MGAT4C: variants seen among roughly 807,000 people sequenced by gnomAD.
The protein encoded by MGAT4C is MGAT4 family member C.
In MGAT4C, 19 loss-of-function variants were observed where a neutral mutation model predicts 40.1. The ratio of observed to expected loss-of-function variants is 0.47; its 90% CI spans 0.33 to 0.70. The LOEUF is 0.70. Ranked by LOEUF, MGAT4C falls within the 30% of genes least tolerant of loss-of-function variation. MGAT4C has a pLI of 0.02. For missense variants in MGAT4C, 491 were observed against 563.2 expected (o/e 0.87, Z 1.30); for synonymous variants, 181 against 187.1 (o/e 0.97, Z 0.27).
At chr12:86,683,529 A>C (rs1378335072) in intron 2 of MGAT4C, among the ~76,000 whole-genome samples, 5 of 152,072 alleles carry the variant, frequency 3.3e-5, no homozygotes, top group Non-Finnish European at 5.9e-5. Flanking sequence ...ATCCAAACTA[A>C]ATTATGTTTG....
chr12:86,081,743 A>G (rs998208501), intron 1 of MGAT4C, among the ~76,000 whole-genome samples: 16 of 152,124 alleles, frequency 1.1e-4, no homozygotes, highest in Non-Finnish European at 2.9e-5. Context: ...ACATGCTGAT[A>G]TATAAAAGAA....
chr12:85,999,162 A>G (rs1246003658), intron 2 of MGAT4C, among the ~76,000 whole-genome samples: 3 of 152,128 alleles, frequency 2.0e-5, no homozygotes, highest in East Asian at 3.9e-4. Flanking sequence ...CTTATTCACT[A>G]TCATGAGAAC....
At chr12:86,789,459 T>C (rs981721426) in intron 1 of MGAT4C, among the ~76,000 whole-genome samples, 7 of 152,084 alleles carry the variant, frequency 4.6e-5, no homozygotes, top group African/African-American at 1.7e-4. Flanking sequence ...GTAAACAATA[T>C]TTACAGTTTC....
At chr12:86,322,334 G>A (rs1211226299) in intron 4 of MGAT4C, among the ~76,000 whole-genome samples, 1 of 151,434 alleles carries the variant, frequency 6.6e-6, no homozygotes, top group African/African-American at 2.4e-5. Flanking sequence ...TAACAAACCT[G>A]CACGTTGTGC....
chr12:86,038,713 G>C (rs913994720), intron 2 of MGAT4C, among the ~76,000 whole-genome samples: 1 of 149,748 alleles, frequency 6.7e-6, no homozygotes, highest in African/African-American at 2.4e-5. Context: ...TCTTTTAATT[G>C]TGGCATTTAG....
chr12:86,263,097 G>A (rs1952694184), intron 4 of MGAT4C, among the ~76,000 whole-genome samples: 1 of 151,910 alleles, frequency 6.6e-6, no homozygotes, highest in Admixed American at 6.6e-5. Context: ...ATGTAATTAT[G>A]GGGTTGTAAC....
chr12:86,548,369 A>T (rs1959214108), intron 2 of MGAT4C, among the ~76,000 whole-genome samples: 1 of 152,106 alleles, frequency 6.6e-6, no homozygotes, highest in Non-Finnish European at 1.5e-5. Context: ...CTCAAGGTTA[A>T]TTTATTTAAT....
chr12:85,993,366 T>C (rs561168712), intron 2 of MGAT4C, among the ~76,000 whole-genome samples: 4 of 152,182 alleles, frequency 2.6e-5, no homozygotes, highest in Admixed American at 1.3e-4. Flanking sequence ...GGCAATACCA[T>C]TGGAGGACAA....
chr12:86,819,263 C>T (rs920120418), intron 1 of MGAT4C, among the ~76,000 whole-genome samples: 2 of 150,840 alleles, frequency 1.3e-5, no homozygotes, highest in Non-Finnish European at 3.0e-5. Flanking sequence ...AATAACTTGT[C>T]TAAGCCCTCA....
intron 1 of MGAT4C, among the ~76,000 whole-genome samples, chr12:86,228,648 G>A (rs1951194037): frequency 6.6e-6 from 1 of 150,724 alleles, no homozygotes; most frequent in African/African-American, 2.5e-5. Flanking sequence ...AGAGAAATAA[G>A]GATTTGCATT....
intron 4 of MGAT4C, among the ~76,000 whole-genome samples, chr12:86,296,773 T>C (rs535063598): frequency 3.9e-5 from 6 of 152,232 alleles, no homozygotes; most frequent in African/African-American, 1.4e-4. Context: ...CTCGCGCCTC[T>C]CCCTCCACAC....
chr12:86,507,972 C>T (rs1280527775), intron 2 of MGAT4C, among the ~76,000 whole-genome samples: 1 of 151,982 alleles, frequency 6.6e-6, no homozygotes, highest in Admixed American at 6.6e-5. Flanking sequence ...ATAGAGATTA[C>T]AATGGATTTG....
At chr12:86,385,024 T>G (rs1565722297) in intron 3 of MGAT4C, among the ~76,000 whole-genome samples, 1 of 152,300 alleles carries the variant, frequency 6.6e-6, no homozygotes, top group East Asian at 1.9e-4. Context: ...TTTCCCCTAC[T>G]AAAAAGAATA....
chr12:86,656,131 T>A (rs1476061651), intron 2 of MGAT4C, among the ~76,000 whole-genome samples: 7 of 152,124 alleles, frequency 4.6e-5, no homozygotes, highest in African/African-American at 1.7e-4. Flanking sequence ...TTTTAAAATT[T>A]AAGCTGCCTA....
At chr12:86,361,320 T>G (rs1187933911) in intron 3 of MGAT4C, among the ~76,000 whole-genome samples, 1 of 152,186 alleles carries the variant, frequency 6.6e-6, no homozygotes, top group East Asian at 1.9e-4. Flanking sequence ...CCTTACACCT[T>G]ATACAAAAAT....
chr12:86,142,174 T>G (rs1418591403), intron 1 of MGAT4C, among the ~76,000 whole-genome samples: 1 of 152,174 alleles, frequency 6.6e-6, no homozygotes, highest in African/African-American at 2.4e-5. Context: ...TTTAGCTAAT[T>G]TGATCTATGG....
intron 1 of MGAT4C, among the ~76,000 whole-genome samples, chr12:86,799,723 T>C (rs374916128): frequency 6.6e-6 from 1 of 151,868 alleles, no homozygotes; most frequent in African/African-American, 2.4e-5. Context: ...CCTTTTCTCT[T>C]ACTATTTTTA....
intron 1 of MGAT4C, among the ~76,000 whole-genome samples, chr12:86,183,377 T>C (rs1482807064): frequency 6.6e-6 from 1 of 152,176 alleles, no homozygotes. Context: ...GCTAGTTATT[T>C]AATCTCTCCT....
At chr12:86,337,417 C>G (rs1350860001) in intron 3 of MGAT4C, among the ~76,000 whole-genome samples, 1 of 151,482 alleles carries the variant, frequency 6.6e-6, no homozygotes, top group African/African-American at 2.4e-5. Context: ...GGCAACATGG[C>G]GAAACCCTGC....
Sources: allele counts gnomAD v4.1 joint callset (sites outside exome capture counted in the v4.1 genomes callset), GRCh38; gene constraint gnomAD v4.1.1; transcripts MANE v1.5; gene names NCBI Gene and HGNC (gene_info 2026-07-23, HGNC 2026-07-21).